The following ATP6V1B1 variants were observed in gnomAD, a reference collection of about 807,000 sequenced individuals.
ATP6V1B1 encodes ATPase H+ transporting V1 subunit B1.
ATP6V1B1 carries 41 observed loss-of-function variants against 62.1 expected under a neutral mutation model. The ratio of observed to expected loss-of-function variants is 0.66; its 90% confidence interval spans 0.51 to 0.86. The LOEUF is 0.86. Ranked by LOEUF, ATP6V1B1 falls within the 40% of genes least tolerant of loss-of-function variation. ATP6V1B1 has a pLI of 0.00. For missense variants in ATP6V1B1, 651 were observed against 697.5 expected, an observed-to-expected ratio of 0.93 and a Z score of 0.75; for synonymous variants, 253 against 273.4, an observed-to-expected ratio of 0.93 and a Z score of 0.74.
At position 70,963,185 on chromosome 2, in the gene ATP6V1B1, G is replaced by T; in HGVS notation, c.933G>T (p.Val311=). The change falls in exon 10 of 14, where the codon GTG becomes GTT. Residue 311 remains valine, a synonymous_variant. Transcript: ENST00000234396. The surrounding 1 kb of genome is among the most constrained non-coding windows in gnomAD (Gnocchi z 4.3). ...LREVSAAREE[V]PGRRGFPGYM... The stretch of plus-strand genomic sequence containing the variant: ...AGGTCTCTGCTGCTAGAGAGGAGGT[G>T]CCTGGGCGCCGAGGGTTTCCTGGAT... 1 of 1,614,050 alleles carries T rather than the reference G, an allele frequency of 6.2e-7. No homozygotes were observed. Among genetic ancestry groups the T allele is most frequent in the Non-Finnish European group, 8.5e-7 (1 of 1,180,026 alleles).
intron 2 of ATP6V1B1, among the ~76,000 whole-genome samples, chr2:70,956,548 C>T (rs1680436092): frequency 6.6e-6 from 1 of 152,184 alleles, no homozygotes; most frequent in African/African-American, 2.4e-5. Context: ...TTCTATTCCT[C>T]CCAGCACTGT....
At position 70,943,669 on chromosome 2, in the gene ATP6V1B1, G is replaced by T. The variant is rs781931952; in HGVS notation, c.130G>T (p.Val44Leu). 6.2e-7 allele frequency: 1 copy of T among 1,613,918 alleles called. No homozygotes were observed. The highest frequency in any genetic ancestry group is 1.3e-5 in the African/African-American group (1 of 75,024). Residue 44 changes from valine to leucine, a missense_variant, in exon 2 of 14, where the codon GTG (valine) becomes TTG (leucine). Physicochemically the swap from Val to Leu is conservative, Grantham distance 32 (BLOSUM62 1). Transcript: ENST00000234396. ...ITHPRVTYRTVCSVNGPLVVL... is the reference protein window; with the variant it reads ...ITHPRVTYRTLCSVNGPLVVL... ...CGCCCCTCCCCCAGCCTACAGGACT[G>T]TGTGCAGCGTGAACGGGCCCCTGGT...
intron 2 of ATP6V1B1, among the ~76,000 whole-genome samples, chr2:70,956,557 G>C (rs1180478382): frequency 6.6e-6 from 1 of 152,146 alleles, no homozygotes; most frequent in Non-Finnish European, 1.5e-5. Context: ...TCCCAGCACT[G>C]TATGAGCATT....
chr2:70,961,619 C>A lies in ATP6V1B1; in HGVS notation c.711C>A (p.Phe237Leu). ...AGGTGAACATGGAGACAGCCAGATT[C>A]TTCAAGTCTGACTTTGAGCAGAATG... The part of the protein sequence containing the change: ...AMGVNMETAR[F>L]FKSDFEQNGT... The change falls in exon 8 of 14, where the codon TTC (phenylalanine) becomes TTA (leucine). Residue 237 changes from phenylalanine to leucine, a missense_variant. Phe to Leu is a conservative substitution (Grantham distance 22, BLOSUM62 0). Transcript: ENST00000234396. 1 of 1,614,270 alleles carries A rather than the reference C, an allele frequency of 6.2e-7. No individual in the cohort carries two copies. Among genetic ancestry groups the A allele is most frequent in the South Asian group, 1.1e-5 (1 of 91,092 alleles).
In ATP6V1B1 at chr2:70,963,258, G is replaced by C; in HGVS notation, c.1006G>C (p.Glu336Gln). 6.2e-7 allele frequency: 1 copy of C among 1,613,780 alleles called. No individual in the cohort carries two copies. Among genetic ancestry groups the C allele is most frequent in the Non-Finnish European group, 8.5e-7 (1 of 1,179,992 alleles). ...CATCTACGAGCGGGCGGGCCGCGTGGAGGGTCGGGGAGGATCCATCACACA... is the reference window on the plus strand; with the variant it reads ...CATCTACGAGCGGGCGGGCCGCGTGCAGGGTCGGGGAGGATCCATCACACA... The part of the protein sequence containing the change: ...ATIYERAGRV[E>Q]GRGGSITQIP... Residue 336 changes from glutamate to glutamine, a missense_variant, in exon 10 of 14, where the codon GAG becomes CAG. Coordinates refer to ENST00000234396, the MANE Select transcript of ATP6V1B1 (RefSeq NM_001692.4). This position sits in a 1 kb window ranked among gnomAD's most constrained non-coding sequence, Gnocchi z 4.3.
At chr2:70,938,632 G>A in intron 1 of ATP6V1B1, 1 of 985,348 alleles carries the variant, frequency 1.0e-6, no homozygotes, top group African/African-American at 1.7e-5. Context: ...AGAAAGAGTG[G>A]AGGCAGCCTG....
At chr2:70,964,576 C>T in intron 12 of ATP6V1B1, 34 bp downstream of exon 12, 3 of 1,611,052 alleles carry the variant, frequency 1.9e-6, no homozygotes, top group South Asian at 1.1e-5. Context: ...CTGGTAGGTC[C>T]TCTAGTTTCC....
chr2:70,936,716 G>C (rs1205149637), intron 1 of ATP6V1B1, among the ~76,000 whole-genome samples: 1 of 152,130 alleles, frequency 6.6e-6, no homozygotes, highest in East Asian at 1.9e-4. Flanking sequence ...ACTTAGGTGT[G>C]ATGTACGTGT....
intron 2 of ATP6V1B1, among the ~76,000 whole-genome samples, chr2:70,951,283 A>G (rs1423166181): frequency 6.6e-6 from 1 of 152,172 alleles, no homozygotes. Context: ...CAAGTACTTC[A>G]GTGTATATTT....
chr2:70,943,587 A>C, intron 1 of ATP6V1B1, 71 bp from the exon 2 acceptor site: 1 of 1,502,272 alleles, frequency 6.7e-7, no homozygotes, highest in South Asian at 1.1e-5. Flanking sequence ...AAGGGAAGGC[A>C]GAGGATGCCT....
In ATP6V1B1 at chr2:70,941,497, C is replaced by G. The variant is rs13386441; in HGVS notation, c.119-2161C>G. On this transcript the variant is annotated intron_variant, in intron 1 of 13. Transcript: ENST00000234396. ...CTCAAACGGCCCTTCCCATAAGATGCTTCCTCCAAGCGCACCCAGTCTGGT... is the reference window on the plus strand; with the variant it reads ...CTCAAACGGCCCTTCCCATAAGATGGTTCCTCCAAGCGCACCCAGTCTGGT... 1,328 of 971,636 alleles carry G rather than the reference C, an allele frequency of 1.4e-3. 12 individuals are homozygous for G. In the African/African-American group the frequency reaches 0.021, roughly 16 times the overall value. The allele number at this position is 971,636 out of a possible 1,614,324, so 60.2% of individuals were successfully genotyped here. A position where few individuals can be genotyped will look rare whatever the true frequency, so the allele number is the denominator to read the frequency against.
intron 2 of ATP6V1B1, among the ~76,000 whole-genome samples, chr2:70,955,333 G>A (rs1334494545): frequency 6.6e-6 from 1 of 152,290 alleles, no homozygotes; most frequent in South Asian, 2.1e-4. Flanking sequence ...CTGGGACCCT[G>A]ATGTGTTATA....
At chr2:70,945,699 G>GATT (rs1450719874) in intron 2 of ATP6V1B1, among the ~76,000 whole-genome samples, 5 of 70,098 alleles carry the variant, frequency 7.1e-5, no homozygotes, top group African/African-American at 2.5e-4. Flanking sequence ...GCTATTTGAA[G>GATT]AGATATATAT....
Position 70,964,178 on chromosome 2 carries a change from A to G in ATP6V1B1, c.1144-260A>G, listed in dbSNP as rs1398602848. On this transcript the variant is annotated intron_variant, in intron 11 of 13. Coordinates refer to ENST00000234396, the MANE Select transcript of ATP6V1B1 (RefSeq NM_001692.4). ...AAGCTTCAAAGTGGTTTTTGTCCAC[A>G]TTATCAAAAGTTTTGAAATACTGAG... The G allele has an allele frequency of 2.8e-5, 9 of 323,680 alleles. No homozygotes were observed. In the Admixed American group the frequency reaches 3.9e-4, roughly 14 times the overall value. The allele number at this position is 323,680 out of a possible 1,614,324, so 20.1% of individuals were successfully genotyped here.
chr2:70,940,283 T>G (rs1367216322), intron 1 of ATP6V1B1: 2 of 767,522 alleles, frequency 2.6e-6, no homozygotes, highest in African/African-American at 3.8e-5. Flanking sequence ...CCTGAGGCAG[T>G]GGAATTAGAA....
At chr2:70,943,338 A>T in intron 1 of ATP6V1B1, 1 of 539,790 alleles carries the variant, frequency 1.9e-6, no homozygotes, top group Non-Finnish European at 3.4e-6. Context: ...GGAGTGGGTG[A>T]GGTGGGGGTT....
At chr2:70,942,040 T>G in intron 1 of ATP6V1B1, 2 of 1,121,200 alleles carry the variant, frequency 1.8e-6, no homozygotes, top group Middle Eastern at 3.7e-4. Context: ...TATTTTGTAC[T>G]GGAAACATCA....
Position 70,959,038 on chromosome 2 carries a change from G to C in ATP6V1B1, c.388G>C (p.Gly130Arg). 6.2e-7 allele frequency: 1 copy of C among 1,614,132 alleles called. No individual in the cohort carries two copies. Among genetic ancestry groups the C allele is most frequent in the Non-Finnish European group, 8.5e-7 (1 of 1,180,018 alleles). Residue 130 changes from glycine (G) to arginine (R), a missense_variant, in exon 5 of 14, where the codon GGC becomes CGC. Physicochemically the swap from Gly to Arg is moderately radical, Grantham distance 125. Coordinates refer to ENST00000234396, the MANE Select transcript of ATP6V1B1 (RefSeq NM_001692.4). This position sits in a 1 kb window ranked among gnomAD's most constrained non-coding sequence, Gnocchi z 4.2. ...CTCAGGTCGGGTTTTCAATGGCTCC[G>C]GCAAGCCCATTGACAAGGGGCCAGT... ...DMLGRVFNGS[G>R]KPIDKGPVVM...
chr2:70,937,161 A>G (rs962745896), intron 1 of ATP6V1B1, among the ~76,000 whole-genome samples: 1 of 150,760 alleles, frequency 6.6e-6, no homozygotes, highest in Admixed American at 6.6e-5. Flanking sequence ...ATGGCCCGCC[A>G]CAGCTATGCA....
Sources: allele counts gnomAD v4.1 joint callset (sites outside exome capture counted in the v4.1 genomes callset), GRCh38; gene constraint gnomAD v4.1.1; non-coding constraint Gnocchi (gnomAD v3.1); transcripts MANE v1.5; gene names NCBI Gene and HGNC (gene_info 2026-07-23, HGNC 2026-07-21).